ADARB1: variants seen among roughly 807,000 people sequenced by gnomAD.
The protein encoded by ADARB1 is double-stranded RNA-specific editase 1.
ADARB1 carries 10 observed loss-of-function variants against 52.4 expected under a neutral mutation model. That is an observed-to-expected ratio of 0.19 (90% confidence interval 0.12 to 0.32). The LOEUF is 0.32. Among genes scored for constraint, ADARB1 ranks in the 10% least tolerant of loss-of-function variants. The pLI, the probability that ADARB1 is intolerant of heterozygous loss-of-function variation, is 1.00. For missense variants in ADARB1, 643 were observed against 922.3 expected (o/e 0.70, Z 3.92); for synonymous variants, 349 against 371.1 (o/e 0.94, Z 0.68).
chr21:45,099,387 G>A (rs962517402), intron 1 of ADARB1, among the ~76,000 whole-genome samples: 2 of 152,284 alleles, frequency 1.3e-5, no homozygotes, highest in African/African-American at 2.4e-5. Context: ...CAGGCTGGGC[G>A]CGGTGGGTGG....
rs2088706721 is a variant in ADARB1 at position 45,128,115 on chromosome 21, A to T, written c.-219-287A>T. On this transcript the variant is annotated intron_variant, in intron 1 of 10. Transcript: ENST00000348831. The surrounding 1 kb of genome is among the most constrained non-coding windows in gnomAD (Gnocchi z 4.6). ...GATTCTGCCTGAGACTCCAGTCCTC[A>T]GTGTGTGGCCTGGTGCCGCTGATGC... is the stretch of plus-strand genomic sequence containing the variant. Among the ~76,000 whole-genome samples, 1 of 152,204 alleles carries T rather than the reference A, an allele frequency of 6.6e-6. No homozygotes were observed. Among genetic ancestry groups the T allele is most frequent in the African/African-American group, 2.4e-5 (1 of 41,452 alleles).
chr21:45,105,269 T>A (rs781499920), intron 1 of ADARB1, among the ~76,000 whole-genome samples: 2 of 152,032 alleles, frequency 1.3e-5, no homozygotes, highest in Admixed American at 1.3e-4. Context: ...CCTGGCTAAT[T>A]TTTGTATTTT....
chr21:45,145,143 C>T (rs1375976302), intron 2 of ADARB1: 1 of 152,398 alleles, frequency 6.6e-6, no homozygotes, highest in African/African-American at 2.4e-5. Flanking sequence ...GAGAACTGTT[C>T]TGTCTCCCTT....
At chr21:45,181,227 T>A (rs893729585) in intron 5 of ADARB1, among the ~76,000 whole-genome samples, 6 of 152,170 alleles carry the variant, frequency 3.9e-5, no homozygotes, top group African/African-American at 1.4e-4. Context: ...AAACCCCCAG[T>A]TCTCGGTATG....
intron 1 of ADARB1, among the ~76,000 whole-genome samples, chr21:45,095,492 C>T (rs1400707872): frequency 6.6e-6 from 1 of 152,216 alleles, no homozygotes; most frequent in Admixed American, 6.5e-5. Flanking sequence ...ACAGGGGCCT[C>T]ACATTGTCGT....
At chr21:45,096,362 G>C (rs1569002951) in intron 1 of ADARB1, among the ~76,000 whole-genome samples, 1 of 152,250 alleles carries the variant, frequency 6.6e-6, no homozygotes, top group Non-Finnish European at 1.5e-5. Flanking sequence ...CATATCTCCT[G>C]TTGGAAGTCT....
At position 45,176,110 on chromosome 21, in the gene ADARB1, A is replaced by G. The variant is rs760175149; in HGVS notation, c.409A>G (p.Lys137Glu). 6.2e-7 allele frequency: 1 copy of G among 1,613,990 alleles called. No homozygotes were observed. The highest frequency in any genetic ancestry group is 8.5e-7 in the Non-Finnish European group (1 of 1,179,966). The change falls in exon 4 of 11, where the codon AAG (lysine) becomes GAG (glutamate). Residue 137 changes from lysine to glutamate, a missense_variant. By Grantham distance (56) the Lys-to-Glu change is moderately conservative (BLOSUM62 1). This residue lies in a region of ADARB1 where 380 missense variants were observed against 446.5 expected (regional missense o/e 0.85). Transcript: ENST00000348831. The surrounding 1 kb of genome is among the most constrained non-coding windows in gnomAD (Gnocchi z 5.8). ...AAAGGCAAAACTCCATGCTGCTGAG[A>G]AGGCCTTGAGGTCTTTCGTTCAGTT... Reference protein sequence around the residue: ...KKKAKLHAAEKALRSFVQFPN... With the variant: ...KKKAKLHAAEEALRSFVQFPN...
intron 2 of ADARB1, among the ~76,000 whole-genome samples, chr21:45,132,784 T>C (rs2089034962): frequency 6.6e-6 from 1 of 152,196 alleles, no homozygotes; most frequent in South Asian, 2.1e-4. Flanking sequence ...GCATGAGTGT[T>C]CCTGAATTCT....
At chr21:45,144,816 C>A in intron 2 of ADARB1, 1 of 272,614 alleles carries the variant, frequency 3.7e-6, no homozygotes, top group African/African-American at 2.2e-5. Context: ...TAGGATACTG[C>A]TTGTCCTGTC....
At chr21:45,202,770 G>C (rs953446874) in intron 8 of ADARB1, among the ~76,000 whole-genome samples, 1 of 150,956 alleles carries the variant, frequency 6.6e-6, no homozygotes, top group Non-Finnish European at 1.5e-5. Flanking sequence ...ACACTGTGCT[G>C]AGCGTCTAAC....
At chr21:45,089,021 G>A (rs1203618748) in intron 1 of ADARB1, among the ~76,000 whole-genome samples, 1 of 152,184 alleles carries the variant, frequency 6.6e-6, no homozygotes, top group Non-Finnish European at 1.5e-5. Flanking sequence ...TTAGAGACCT[G>A]ATGACTAACT....
intron 1 of ADARB1, among the ~76,000 whole-genome samples, chr21:45,110,354 A>G (rs995084006): frequency 6.6e-6 from 1 of 152,246 alleles, no homozygotes; most frequent in African/African-American, 2.4e-5. Context: ...TTTGAAAACC[A>G]GTACATTTCT....
intron 2 of ADARB1, among the ~76,000 whole-genome samples, chr21:45,163,630 C>T (rs1041005889): frequency 2.0e-4 from 30 of 152,226 alleles, no homozygotes; most frequent in African/African-American, 7.0e-4. Context: ...GTGGAATCCA[C>T]AGCTCCATCC....
At chr21:45,138,299 A>G (rs982002756) in intron 2 of ADARB1, among the ~76,000 whole-genome samples, 1 of 152,160 alleles carries the variant, frequency 6.6e-6, no homozygotes, top group Non-Finnish European at 1.5e-5. Context: ...ATCATTTAGG[A>G]TTGATTCTGG....
intron 9 of ADARB1, among the ~76,000 whole-genome samples, chr21:45,211,666 TCA>T (rs2092771256): frequency 6.6e-6 from 1 of 152,222 alleles, no homozygotes; most frequent in African/African-American, 2.4e-5. Flanking sequence ...TTAGGCCAAT[TCA>T]CAGTTTCTCT....
At chr21:45,119,357 C>G (rs1343715488) in intron 1 of ADARB1, among the ~76,000 whole-genome samples, 1 of 152,240 alleles carries the variant, frequency 6.6e-6, no homozygotes, top group Admixed American at 6.5e-5. Context: ...TCCCAAAGTG[C>G]TGAGCACACC....
intron 8 of ADARB1, 118 bp downstream of exon 8, chr21:45,185,209 T>C: frequency 3.8e-6 from 5 of 1,320,270 alleles, no homozygotes; most frequent in Non-Finnish European, 5.2e-6. Flanking sequence ...ACTCAGGTGT[T>C]CCACAGTATT....
In ADARB1 at chr21:45,222,236, C is replaced by CA; in HGVS notation, c.*40dup. On this transcript the variant is annotated 3_prime_UTR_variant, in exon 11 of 11. Transcript: ENST00000348831. Reference sequence around the variant, plus strand: ...GATGGGGGGTGCAGGGGGCTGTGGGCATCCAGCGTCATCCTCCAGAACCTC... The same window carrying CA: ...GATGGGGGGTGCAGGGGGCTGTGGGCAATCCAGCGTCATCCTCCAGAACCTC... 6.7e-7 allele frequency: 1 copy of CA among 1,500,932 alleles called. No homozygotes were observed. 93.0% of individuals were successfully genotyped at this position (1,500,932 alleles called of 1,614,324 possible).
At chr21:45,180,302 C>G in intron 4 of ADARB1, 28 bp from the exon 5 acceptor site, 1 of 1,559,734 alleles carries the variant, frequency 6.4e-7, no homozygotes, top group South Asian at 1.1e-5. Context: ...CATCTGGCCC[C>G]TAACCTGCAT....
Sources: gnomAD v4.1 joint callset for allele counts (sites outside exome capture counted in the v4.1 genomes callset) on GRCh38, gnomAD v4.1.1 for gene constraint, gnomAD v4.1.1 regional missense constraint, Gnocchi (gnomAD v3.1) non-coding constraint, MANE v1.5 for transcripts, NCBI Gene and HGNC (gene_info 2026-07-23, HGNC 2026-07-21) for gene names.